The following MYO6 variants were observed in gnomAD, a reference collection of about 807,000 sequenced individuals.
The protein encoded by MYO6 is myosin VI.
A neutral mutation model predicts 178.7 loss-of-function variants in MYO6; 74 were observed. The observed-to-expected ratio is 0.41, with a 90% confidence interval of 0.34 to 0.50. The LOEUF (loss-of-function observed/expected upper bound fraction) is 0.50. Among genes scored for constraint, MYO6 ranks in the 20% least tolerant of loss-of-function variants. The probability of loss-of-function intolerance (pLI) is 0.09; values close to 1 mark genes in which losing one functional copy is unlikely to be tolerated. For synonymous variants in MYO6, 477 were observed against 504.6 expected (o/e 0.95, Z 0.73); for missense variants, 1,330 against 1,547.4 (o/e 0.86, Z 2.36).
chr6:75,788,947 A>G (rs1767955781), intron 1 of MYO6, among the ~76,000 whole-genome samples: 1 of 152,216 alleles, frequency 6.6e-6, no homozygotes, highest in Non-Finnish European at 1.5e-5. Flanking sequence ...AATTTTTTGA[A>G]AAGCAAAGGC....
chr6:75,777,689 GGC>G (rs2150041182), intron 1 of MYO6, among the ~76,000 whole-genome samples: 1 of 151,970 alleles, frequency 6.6e-6, no homozygotes, highest in South Asian at 2.1e-4. Context: ...TGCCCCCTGT[GGC>G]CTCCCAAAGT....
chr6:75,783,840 G>A (rs2150060254), intron 1 of MYO6, among the ~76,000 whole-genome samples: 1 of 152,248 alleles, frequency 6.6e-6, no homozygotes, highest in Non-Finnish European at 1.5e-5. Flanking sequence ...GAGCAAAAAG[G>A]CTGTGTATTA....
chr6:75,811,876 T>C (rs1770727051), intron 1 of MYO6, among the ~76,000 whole-genome samples: 1 of 152,202 alleles, frequency 6.6e-6, no homozygotes. Context: ...CACTTAATCC[T>C]CACAGCAGTT....
In MYO6 at chr6:75,761,889, A is replaced by G. The variant is rs1214668194; in HGVS notation, c.-48+12466A>G. ...GCAGTATATTGTAATGATGGATTGAATGAGTGATCTAAAATCATCCTAGCA... is the reference window on the plus strand; with the variant it reads ...GCAGTATATTGTAATGATGGATTGAGTGAGTGATCTAAAATCATCCTAGCA... On this transcript the variant is annotated intron_variant, in intron 1 of 34. Transcript: ENST00000369977. 3.9e-5 allele frequency among the ~76,000 whole-genome samples: 6 copies of G among 152,094 alleles called. No individual in the cohort carries two copies. The East Asian group carries it at 1.2e-3, about 29-fold the overall frequency.
chr6:75,873,842 C>T (rs1356568322), intron 20 of MYO6, among the ~76,000 whole-genome samples: 11 of 152,166 alleles, frequency 7.2e-5, no homozygotes, highest in Admixed American at 7.2e-4. Flanking sequence ...ATCTGTGACA[C>T]TTCATCCATT....
chr6:75,811,242 A>G (rs894125052), intron 1 of MYO6, among the ~76,000 whole-genome samples: 5 of 152,122 alleles, frequency 3.3e-5, no homozygotes. Context: ...CTTGTTCTGG[A>G]ACCTTGTACT....
At chr6:75,872,636 A>G (rs971661615) in intron 19 of MYO6, among the ~76,000 whole-genome samples, 2 of 152,228 alleles carry the variant, frequency 1.3e-5, no homozygotes, top group Admixed American at 6.5e-5. Context: ...AAACAATTAA[A>G]TGTGTTAAAC....
At chr6:75,885,670 T>A (rs1778373377) in intron 23 of MYO6, among the ~76,000 whole-genome samples, 2 of 151,922 alleles carry the variant, frequency 1.3e-5, no homozygotes, top group Non-Finnish European at 1.5e-5. Context: ...ATGGTCTCAA[T>A]CTCCCGACCC....
At chr6:75,758,326 A>T (rs1325546308) in intron 1 of MYO6, among the ~76,000 whole-genome samples, 1 of 152,122 alleles carries the variant, frequency 6.6e-6, no homozygotes, top group Non-Finnish European at 1.5e-5. Context: ...TGGTAGAGGG[A>T]AGTGAAATAT....
chr6:75,890,345 A>ATTTGT (rs935136259), intron 26 of MYO6, 80 bp downstream of exon 26: 7 of 1,585,220 alleles, frequency 4.4e-6, no homozygotes, highest in South Asian at 3.4e-5. Context: ...AATGACAATT[A>ATTTGT]TTTGTTTTGT....
At chr6:75,897,411 T>G (rs540955286) in intron 29 of MYO6, among the ~76,000 whole-genome samples, 1 of 152,240 alleles carries the variant, frequency 6.6e-6, no homozygotes, top group Admixed American at 6.5e-5. Context: ...TTGAAAGATA[T>G]CTTGTTCTCT....
chr6:75,831,785 G>C (rs1367329699), intron 5 of MYO6, among the ~76,000 whole-genome samples: 2 of 151,766 alleles, frequency 1.3e-5, no homozygotes, highest in Non-Finnish European at 2.9e-5. Flanking sequence ...AGCTACTCTG[G>C]AGGCAGTGGT....
At chr6:75,893,324 A>T (rs915436423) in intron 28 of MYO6, among the ~76,000 whole-genome samples, 6 of 152,086 alleles carry the variant, frequency 3.9e-5, no homozygotes, top group African/African-American at 1.4e-4. Flanking sequence ...GATTCAGTTT[A>T]AAAAAATTTA....
chr6:75,826,465 C>T (rs956443289), intron 3 of MYO6, among the ~76,000 whole-genome samples: 1 of 152,074 alleles, frequency 6.6e-6, no homozygotes, highest in East Asian at 1.9e-4. Flanking sequence ...ACAGGGGAAG[C>T]GTACTGTAGG....
chr6:75,892,393 G>A, intron 27 of MYO6, 137 bp from the exon 28 acceptor site: 2 of 1,123,574 alleles, frequency 1.8e-6, no homozygotes, highest in Non-Finnish European at 2.7e-6. Flanking sequence ...AGACTGAAGA[G>A]ATCTGTGCTT....
At chr6:75,888,240 C>T (rs1387218567) in intron 25 of MYO6, among the ~76,000 whole-genome samples, 1 of 152,048 alleles carries the variant, frequency 6.6e-6, no homozygotes, top group African/African-American at 2.4e-5. Context: ...CAAGATTGTG[C>T]CACTGCACTC....
At chr6:75,812,139 C>A (rs1330714265) in intron 1 of MYO6, among the ~76,000 whole-genome samples, 3 of 152,080 alleles carry the variant, frequency 2.0e-5, no homozygotes, top group Non-Finnish European at 4.4e-5. Flanking sequence ...CTGCCTCAGC[C>A]TCCTGAGTAG....
rs1774928481 is a variant in MYO6 at position 75,848,360 on chromosome 6, G to T, written c.907G>T (p.Ala303Ser). 1.9e-6 allele frequency: 3 copies of T among 1,613,242 alleles called. No homozygotes were observed. The East Asian group carries it at 6.7e-5, about 36-fold the overall frequency. ...TCTTCTTGTTTTGTAGTACCTTAAG[G>T]CAGGTTCTATGAAAGATCCTCTGCT... ...QNRKSPEYLK[A>S]GSMKDPLLDD... is the part of the protein sequence containing the mutation. The change falls in exon 11 of 35, where the codon GCA (alanine) becomes TCA (serine). Residue 303 changes from alanine to serine, a missense_variant. Ala to Ser is a moderately conservative substitution (Grantham distance 99). Around this residue, in one of 3 missense-constraint regions of MYO6, gnomAD observed 613 missense variants for 816.8 expected, o/e 0.75. Transcript: ENST00000369977.
chr6:75,822,142 G>A lies in MYO6; in HGVS notation c.118-640G>A, dbSNP rs192878716. Reference sequence around the variant, plus strand: ...GATGGAATTTCACTCTTGTCTTCCAGGGTGGAGTGCAATGGCATGATCTCG... The same window carrying A: ...GATGGAATTTCACTCTTGTCTTCCAAGGTGGAGTGCAATGGCATGATCTCG... On this transcript the variant is annotated intron_variant, in intron 2 of 34. Transcript: ENST00000369977. Among the ~76,000 whole-genome samples, 311 of 150,920 alleles carry A rather than the reference G, an allele frequency of 2.1e-3. 1 individual carries two copies. Among genetic ancestry groups the A allele is most frequent in the South Asian group, 0.011 (54 of 4,788 alleles).
Sources: gnomAD v4.1 joint callset for allele counts (sites outside exome capture counted in the v4.1 genomes callset) on GRCh38, gnomAD v4.1.1 for gene constraint, gnomAD v4.1.1 regional missense constraint, MANE v1.5 for transcripts, NCBI Gene and HGNC (gene_info 2026-07-23, HGNC 2026-07-21) for gene names.